KCNH8: variants seen among roughly 807,000 people sequenced by gnomAD.
The protein encoded by KCNH8 is voltage-gated delayed rectifier potassium channel KCNH8.
Under a neutral mutation model 103.6 loss-of-function variants are expected in KCNH8, and 70 were observed. The observed-to-expected ratio is 0.68, with a 90% CI of 0.56 to 0.82. The LOEUF (loss-of-function observed/expected upper bound fraction) is 0.82, where lower values mean the gene tolerates loss of function less well. Among genes scored for constraint, KCNH8 ranks in the 40% least tolerant of loss-of-function variants. KCNH8 has a pLI of 0.00. For missense variants in KCNH8, 1,217 were observed against 1,329.9 expected (o/e 0.92, Z 1.32); for synonymous variants, 498 against 489.4 (o/e 1.02, Z -0.23).
chr3:19,496,158 C>T (rs2068436725), intron 11 of KCNH8, among the ~76,000 whole-genome samples: 1 of 152,136 alleles, frequency 6.6e-6, no homozygotes, highest in Non-Finnish European at 1.5e-5. Flanking sequence ...GATATTTTGA[C>T]TTTCTCTCTT....
intron 3 of KCNH8, among the ~76,000 whole-genome samples, chr3:19,304,854 C>T (rs1165851199): frequency 1.3e-5 from 2 of 151,840 alleles, no homozygotes; most frequent in East Asian, 3.9e-4. Flanking sequence ...TTATATCTAT[C>T]AATTTAAAGG....
intron 1 of KCNH8, among the ~76,000 whole-genome samples, chr3:19,156,785 G>A (rs1230175654): frequency 6.6e-6 from 1 of 151,910 alleles, no homozygotes; most frequent in African/African-American, 2.4e-5. Context: ...TATTTACCTT[G>A]TTAGGGTCAT....
chr3:19,429,162 CTTT>C (rs575154927), intron 7 of KCNH8, among the ~76,000 whole-genome samples: 5 of 89,858 alleles, frequency 5.6e-5, no homozygotes, highest in East Asian at 3.8e-4. Flanking sequence ...AGAATCCACT[CTTT>C]TTTTTTTTTT....
At chr3:19,260,487 GATATATAT>G (rs57661437) in intron 2 of KCNH8, among the ~76,000 whole-genome samples, 2,804 of 39,858 alleles carry the variant, frequency 0.07, 124 homozygotes, top group Middle Eastern at 0.12. Flanking sequence ...TACTCTATAG[GATATATAT>G]ATATATATAT....
At chr3:19,289,416 A>G (rs2064885156) in intron 3 of KCNH8, among the ~76,000 whole-genome samples, 1 of 152,206 alleles carries the variant, frequency 6.6e-6, no homozygotes, top group African/African-American at 2.4e-5. Flanking sequence ...GGTGTAAGGA[A>G]GGGATCCAAT....
In KCNH8 at chr3:19,395,146, CTT is replaced by C. The variant is rs2066496261; in HGVS notation, c.1015_1016del (p.Leu339AlafsTer58). The C allele has an allele frequency of 2.5e-6, 4 of 1,611,502 alleles. No individual in the cohort carries two copies. Reference sequence around the variant, plus strand: ...TCTAAAGACAGTGCGCCTCTTGCGTCTTTTGCGTCTGCTGCAGAAGTTAGACC... The same window carrying C: ...TCTAAAGACAGTGCGCCTCTTGCGTCTTGCGTCTGCTGCAGAAGTTAGACC... Reference protein sequence around the residue: ...HLLKTVRLLRLLRLLQKLDRY... With the variant: ...HLLKTVRLLRXLRLLQKLDRY... On this transcript the variant is annotated frameshift_variant, in exon 7 of 16. Transcript: ENST00000328405. LOFTEE classifies it high-confidence loss of function.
chr3:19,242,786 A>G (rs2064158713), intron 1 of KCNH8, among the ~76,000 whole-genome samples: 1 of 151,208 alleles, frequency 6.6e-6, no homozygotes. Context: ...GGTAAGGTTT[A>G]TGAAACTGCA....
At chr3:19,207,349 C>A (rs1414492648) in intron 1 of KCNH8, among the ~76,000 whole-genome samples, 1 of 151,898 alleles carries the variant, frequency 6.6e-6, no homozygotes, top group Non-Finnish European at 1.5e-5. Context: ...CTGTTATTTT[C>A]TTTTGTAGAT....
chr3:19,489,424 G>T (rs991804163), intron 11 of KCNH8, among the ~76,000 whole-genome samples: 1 of 152,066 alleles, frequency 6.6e-6, no homozygotes. Flanking sequence ...CTGTAACCAA[G>T]AATCTATATG....
intron 1 of KCNH8, among the ~76,000 whole-genome samples, chr3:19,172,816 A>T (rs2063360780): frequency 6.6e-6 from 1 of 152,166 alleles, no homozygotes; most frequent in Non-Finnish European, 1.5e-5. Flanking sequence ...TTGTGGCAGA[A>T]GTTACCTTCC....
intron 3 of KCNH8, among the ~76,000 whole-genome samples, chr3:19,321,112 T>C (rs888331103): frequency 1.3e-5 from 2 of 152,034 alleles, no homozygotes; most frequent in Non-Finnish European, 2.9e-5. Context: ...CTATGCGTTT[T>C]ATTTATCTTT....
intron 11 of KCNH8, among the ~76,000 whole-genome samples, chr3:19,494,219 A>T (rs565551857): frequency 1.3e-5 from 2 of 152,186 alleles, no homozygotes; most frequent in Non-Finnish European, 2.9e-5. Context: ...CATGTACCAC[A>T]TTTACTTTAT....
chr3:19,528,175 T>A (rs529778729), intron 15 of KCNH8, among the ~76,000 whole-genome samples: 1 of 152,098 alleles, frequency 6.6e-6, no homozygotes, highest in Non-Finnish European at 1.5e-5. Context: ...TATATTGTTA[T>A]GTTTCCTTTA....
intron 5 of KCNH8, among the ~76,000 whole-genome samples, chr3:19,350,422 TG>T (rs1342709741): frequency 6.6e-6 from 1 of 152,126 alleles, no homozygotes; most frequent in Non-Finnish European, 1.5e-5. Context: ...ACGGAAAGAC[TG>T]CCTCCTCAAG....
At chr3:19,338,789 A>T (rs951985837) in intron 3 of KCNH8, among the ~76,000 whole-genome samples, 2 of 151,980 alleles carry the variant, frequency 1.3e-5, no homozygotes, top group African/African-American at 4.8e-5. Context: ...TTTTGTACTC[A>T]ATATTATGTT....
chr3:19,176,798 A>C (rs2063404101), intron 1 of KCNH8, among the ~76,000 whole-genome samples: 1 of 152,132 alleles, frequency 6.6e-6, no homozygotes, highest in African/African-American at 2.4e-5. Context: ...ATGCTCTATA[A>C]AATTGTATAA....
At chr3:19,419,745 C>T (rs2066923099) in intron 7 of KCNH8, among the ~76,000 whole-genome samples, 1 of 151,808 alleles carries the variant, frequency 6.6e-6, no homozygotes, top group South Asian at 2.1e-4. Flanking sequence ...TCACATCCTA[C>T]TATATTTATC....
chr3:19,154,644 C>T (rs1163818335), intron 1 of KCNH8, among the ~76,000 whole-genome samples: 1 of 152,206 alleles, frequency 6.6e-6, no homozygotes, highest in Non-Finnish European at 1.5e-5. Flanking sequence ...AGGAATGTTT[C>T]TTTCTCCCAG....
At chr3:19,333,943 C>G (rs1183574444) in intron 3 of KCNH8, among the ~76,000 whole-genome samples, 1 of 152,018 alleles carries the variant, frequency 6.6e-6, no homozygotes, top group Non-Finnish European at 1.5e-5. Flanking sequence ...TTTTTTTAAG[C>G]AGCACTTTTG....
Sources: allele counts gnomAD v4.1 joint callset (sites outside exome capture counted in the v4.1 genomes callset), GRCh38; gene constraint gnomAD v4.1.1; transcripts MANE v1.5; gene names NCBI Gene and HGNC (gene_info 2026-07-23, HGNC 2026-07-21).